The following ACER1 variants were observed in gnomAD, a reference collection of about 807,000 sequenced individuals.
The protein encoded by ACER1 is alkaline ceramidase 1, also known as CTB-180A7.3.
A neutral mutation model predicts 24.9 loss-of-function variants in ACER1; 28 were observed. That is an observed-to-expected ratio of 1.13 (90% CI 0.83 to 1.54). The LOEUF (loss-of-function observed/expected upper bound fraction) is 1.54. Among genes scored for constraint, ACER1 ranks in the 40% most tolerant of loss-of-function variants. The pLI is 0.00. For missense variants in ACER1, 352 were observed against 349.3 expected (o/e 1.01, Z -0.06); for synonymous variants, 132 against 131.4 (o/e 1.00, Z -0.03).
chr19:6,316,328 A>G (rs117131043), intron 1 of ACER1, among the ~76,000 whole-genome samples: 4 of 152,208 alleles, frequency 2.6e-5, no homozygotes, highest in East Asian at 1.9e-4. Context: ...AGTCTTAACT[A>G]CTTGAGAGGC....
intron 4 of ACER1, 109 bp from the exon 5 acceptor site, chr19:6,307,399 G>C: frequency 1.5e-6 from 2 of 1,293,510 alleles, no homozygotes; most frequent in Non-Finnish European, 2.1e-6. Context: ...TGGGAGAAGG[G>C]AAAGAGCAGG....
chr19:6,307,630 A>AG (rs1302700294), intron 4 of ACER1, among the ~76,000 whole-genome samples: 1 of 151,752 alleles, frequency 6.6e-6, no homozygotes, highest in Non-Finnish European at 1.5e-5. Flanking sequence ...AAAAAAAAAA[A>AG]AAAAGTTAAA....
At chr19:6,340,332 GA>G in the ACER1 span, among the ~76,000 whole-genome samples, 2 of 141,004 alleles carry the variant, frequency 1.4e-5, no homozygotes, top group Non-Finnish European at 3.1e-5. Flanking sequence ...AGGAAGGAAG[GA>G]AGGAAGGAAG....
At chr19:6,339,438 G>T in the ACER1 span, among the ~76,000 whole-genome samples, 1 of 152,010 alleles carries the variant, frequency 6.6e-6, no homozygotes, top group Non-Finnish European at 1.5e-5. Context: ...ACAGGAAGTA[G>T]AACGGGGGGT....
chr19:6,324,473 C>G (rs753904441), intron 1 of ACER1, among the ~76,000 whole-genome samples: 3 of 151,660 alleles, frequency 2.0e-5, no homozygotes, highest in Non-Finnish European at 4.4e-5. Context: ...ATTTGAAACT[C>G]TCTGCCAGGC....
chr19:6,343,408 T>C, the ACER1 span, among the ~76,000 whole-genome samples: 1 of 151,778 alleles, frequency 6.6e-6, no homozygotes, highest in South Asian at 2.1e-4. Context: ...GACCTCCATC[T>C]CAACATGTGG....
intron 5 of ACER1, 60 bp downstream of exon 5, chr19:6,307,093 G>A: frequency 6.2e-7 from 1 of 1,602,816 alleles, no homozygotes; most frequent in East Asian, 2.2e-5. Context: ...CCTACTCCGA[G>A]CTTTGGCATC....
chr19:6,341,295 G>A, the ACER1 span, among the ~76,000 whole-genome samples: 1 of 148,924 alleles, frequency 6.7e-6, no homozygotes. Flanking sequence ...GGGCAACAGA[G>A]CGAGACTCCA....
chr19:6,355,360 C>A, the ACER1 span, among the ~76,000 whole-genome samples: 1 of 132,716 alleles, frequency 7.5e-6, no homozygotes, highest in Non-Finnish European at 1.6e-5. Context: ...CTGGCCACCA[C>A]CCCATCTAGG....
upstream of ACER1, among the ~76,000 whole-genome samples, chr19:6,337,659 T>C (rs1296442223): frequency 4.7e-5 from 5 of 106,586 alleles, no homozygotes; most frequent in African/African-American, 2.5e-4. Context: ...CTTTCTTTCT[T>C]TCTTTTTTTT....
intron 1 of ACER1, among the ~76,000 whole-genome samples, chr19:6,321,880 G>A (rs35555805): frequency 0.11 from 17,078 of 152,196 alleles, 1,233 homozygotes; most frequent in East Asian, 0.29. Context: ...CCAAAGTACT[G>A]GGATGACAGG....
At chr19:6,344,750 T>C in the ACER1 span, among the ~76,000 whole-genome samples, 1 of 152,012 alleles carries the variant, frequency 6.6e-6, no homozygotes, top group Non-Finnish European at 1.5e-5. Flanking sequence ...GCACAATTGT[T>C]GGATTATTTT....
At chr19:6,347,164 C>T in the ACER1 span, among the ~76,000 whole-genome samples, 2 of 145,060 alleles carry the variant, frequency 1.4e-5, no homozygotes, top group East Asian at 4.0e-4. Flanking sequence ...TACAGACCCC[C>T]TCGTCCCTCA....
At chr19:6,321,814 G>A (rs913296458) in intron 1 of ACER1, among the ~76,000 whole-genome samples, 1 of 152,052 alleles carries the variant, frequency 6.6e-6, no homozygotes, top group African/African-American at 2.4e-5. Flanking sequence ...GTTTCACCAT[G>A]TTGGCCAGGC....
At chr19:6,320,164 C>T (rs143805099) in intron 1 of ACER1, among the ~76,000 whole-genome samples, 305 of 151,820 alleles carry the variant, frequency 2.0e-3, no homozygotes, top group African/African-American at 6.9e-3. Context: ...AACATCTCCT[C>T]ATTCTTCGTC....
chr19:6,312,492 T>C lies in ACER1; in HGVS notation c.101A>G (p.Asn34Ser). Reference sequence around the variant, plus strand: ...TGGCCCGAAGATGAAGAAGGGGATATTGGAGAACTGGAGCAGAGAGAGCCA... The same window carrying C: ...TGGCCCGAAGATGAAGAAGGGGATACTGGAGAACTGGAGCAGAGAGAGCCA... ...LVAEFYNTFSNIPFFIFGPLM... is the reference protein window; with the variant it reads ...LVAEFYNTFSSIPFFIFGPLM... Residue 34 changes from asparagine (N) to serine (S), a missense_variant, in exon 2 of 6, where the codon AAT becomes AGT. Transcript: ENST00000301452. The C allele has an allele frequency of 1.9e-6, 3 of 1,613,430 alleles. No homozygotes were observed. Among genetic ancestry groups the C allele is most frequent in the Non-Finnish European group, 2.5e-6 (3 of 1,179,686 alleles).
chr19:6,336,840 AAAAG>A (rs1376127171), upstream of ACER1, among the ~76,000 whole-genome samples: 1 of 148,854 alleles, frequency 6.7e-6, no homozygotes, highest in Non-Finnish European at 1.5e-5. Context: ...AAAAAAAAGA[AAAAG>A]AAAGATAAAT....
chr19:6,359,618 G>A, the ACER1 span, among the ~76,000 whole-genome samples: 470 of 151,796 alleles, frequency 3.1e-3, 2 homozygotes, highest in African/African-American at 0.011. Flanking sequence ...ACAACACCTC[G>A]CCTGAATCTG....
At chr19:6,335,315 C>T (rs754272882), upstream of ACER1, among the ~76,000 whole-genome samples, 83 of 149,768 alleles carry the variant, frequency 5.5e-4, no homozygotes, top group Non-Finnish European at 1.1e-3. Flanking sequence ...ACCTCCACCT[C>T]CCTAGTTCAA....
Sources: gnomAD v4.1 joint callset for allele counts (sites outside exome capture counted in the v4.1 genomes callset) on GRCh38, gnomAD v4.1.1 for gene constraint, MANE v1.5 for transcripts, NCBI Gene and HGNC (gene_info 2026-07-23, HGNC 2026-07-21) for gene names.